ABCA8: variants seen among roughly 807,000 people sequenced by gnomAD.
The protein encoded by ABCA8 is ATP binding cassette subfamily A member 8.
A neutral mutation model predicts 192.3 loss-of-function variants in ABCA8; 177 were observed. That is an observed-to-expected ratio of 0.92 (90% CI 0.81 to 1.04). The LOEUF is 1.04. Among genes scored for constraint, ABCA8 ranks in the 50% least tolerant of loss-of-function variants. ABCA8 has a pLI of 0.00. For synonymous variants in ABCA8, 642 were observed against 690.2 expected (o/e 0.93, Z 1.09); for missense variants, 1,915 against 1,904.8 (o/e 1.01, Z -0.10).
At chr17:68,931,243 C>T (rs975258757) in intron 7 of ABCA8, among the ~76,000 whole-genome samples, 1 of 152,240 alleles carries the variant, frequency 6.6e-6, no homozygotes, top group African/African-American at 2.4e-5. Flanking sequence ...AACCTAACCC[C>T]AATCTTCTTC....
rs991041421 is a variant in ABCA8, at chr17:68,911,853, C to T, written c.2139-3974G>A. 3.3e-5 allele frequency among the ~76,000 whole-genome samples: 5 copies of T among 152,108 alleles called. No homozygotes were observed. The highest frequency in any genetic ancestry group is 7.4e-5 in the Non-Finnish European group (5 of 68,024). ...ATTCTCCAAGAGCACCAAAGTGGTA[C>T]GTCGAAGAGTCTGCAAGAATCACCA... On this transcript the variant is annotated intron_variant, in intron 17 of 39. Transcript: ENST00000586539. This position sits in a 1 kb window ranked among gnomAD's most constrained non-coding sequence, Gnocchi z 5.7.
chr17:68,894,244 C>T lies in ABCA8; in HGVS notation c.2965G>A (p.Val989Ile), dbSNP rs1401628082. 1 of 1,613,004 alleles carries T rather than the reference C, an allele frequency of 6.2e-7. No individual in the cohort carries two copies. Among genetic ancestry groups the T allele is most frequent in the Non-Finnish European group, 8.5e-7 (1 of 1,179,644 alleles). ...LNCFPVLMDI[V>I]SNGLLGMVKP... ...ACCATTCCAAGTAGCCCATTACTAA[C>T]AATGTCCATAAGAACTGGGAAGCAA... The change falls in exon 23 of 40, where the codon GTT becomes ATT. Residue 989 changes from valine to isoleucine, a missense_variant. Coordinates refer to ENST00000586539, the MANE Select transcript of ABCA8 (RefSeq NM_001288985.2).
intron 5 of ABCA8, among the ~76,000 whole-genome samples, chr17:68,934,072 T>A (rs1368249684): frequency 2.6e-5 from 4 of 152,146 alleles, no homozygotes; most frequent in African/African-American, 9.6e-5. Flanking sequence ...TGCCACTACA[T>A]ATCTCTAAAC....
At position 68,922,483 on chromosome 17, in the gene ABCA8, T is replaced by C. The variant is rs111938089; in HGVS notation, c.1443-183A>G. On this transcript the variant is annotated intron_variant, in intron 11 of 39. Transcript: ENST00000586539. Reference sequence around the variant, plus strand: ...ACCGCTTGCCAACCCTGTCTGCACATTGGCGTCATGTGAGGAGTTACATGT... The same window carrying C: ...ACCGCTTGCCAACCCTGTCTGCACACTGGCGTCATGTGAGGAGTTACATGT... Among the ~76,000 whole-genome samples the C allele has an allele frequency of 1.4e-3, 213 of 152,130 alleles. 4 individuals carry two copies. Among genetic ancestry groups the C allele is most frequent in the African/African-American group, 5.1e-3 (210 of 41,532 alleles).
intron 14 of ABCA8, among the ~76,000 whole-genome samples, chr17:68,919,058 G>A (rs1426376400): frequency 1.3e-5 from 2 of 152,030 alleles, no homozygotes; most frequent in African/African-American, 4.8e-5. Context: ...ATAAAATAGG[G>A]ATAATAATAG....
chr17:68,919,274 C>A, intron 14 of ABCA8, 27 bp downstream of exon 14: 2 of 1,566,570 alleles, frequency 1.3e-6, no homozygotes, highest in South Asian at 1.2e-5. Flanking sequence ...TTTTGACCAA[C>A]ACATTAACTT....
Position 68,887,356 on chromosome 17 carries a change from T to C in ABCA8, c.3295A>G (p.Thr1099Ala), listed in dbSNP as rs146019279. 3 of 1,607,844 alleles carry C rather than the reference T, an allele frequency of 1.9e-6. No homozygotes were observed. The highest frequency in any genetic ancestry group is 2.7e-5 in the African/African-American group (2 of 74,708). The change falls in exon 25 of 40, where the codon ACA becomes GCA. Residue 1099 changes from threonine (T) to alanine (A), a missense_variant. By Grantham distance (58) the Thr-to-Ala change is moderately conservative. Coordinates refer to ENST00000586539, the MANE Select transcript of ABCA8 (RefSeq NM_001288985.2). Reference protein sequence around the residue: ...YISNFEDMLLTIIHIIQIPCA... With the variant: ...YISNFEDMLLAIIHIIQIPCA... ...CTTACTTGAATAATATGAATTATTG[T>C]AAGTAGCATGTCTTCGAAGTTTGAA...
In ABCA8 at chr17:68,875,718, G is replaced by C. The variant is rs2066186063; in HGVS notation, c.4386C>G (p.Ala1462=). 6.2e-7 allele frequency: 1 copy of C among 1,613,642 alleles called. No individual in the cohort carries two copies. The highest frequency in any genetic ancestry group is 8.5e-7 in the Non-Finnish European group (1 of 1,179,828). Residue 1462 remains alanine, a synonymous_variant, in exon 36 of 40, where the codon GCC becomes GCG. Transcript: ENST00000586539. ...GQQQMWQAIR[A]TFRNTERGAL... ...CACCCCTTTCCGTGTTTCTAAAGGT[G>C]GCCCGGATGGCCTGCCTATAATGTC... is the stretch of plus-strand genomic sequence containing the variant.
intron 33 of ABCA8, 34 bp downstream of exon 33, chr17:68,877,485 T>A: frequency 6.4e-7 from 1 of 1,569,550 alleles, no homozygotes; most frequent in Non-Finnish European, 8.7e-7. Flanking sequence ...CACCCCTCCC[T>A]TGGGTATAGA....
At chr17:68,937,212 A>T in intron 4 of ABCA8, 97 bp from the exon 5 acceptor site, 1 of 1,039,150 alleles carries the variant, frequency 9.6e-7, no homozygotes, top group Non-Finnish European at 1.4e-6. Flanking sequence ...TTTTCTATGG[A>T]AATAAAACAT....
At chr17:68,953,852 TCTC>T (rs778726007) in intron 1 of ABCA8, among the ~76,000 whole-genome samples, 2 of 152,040 alleles carry the variant, frequency 1.3e-5, no homozygotes, top group Non-Finnish European at 2.9e-5. Context: ...CTGCTGTACT[TCTC>T]CTCTCTGGTT....
At chr17:68,903,901 A>G (rs1030375049) in intron 19 of ABCA8, among the ~76,000 whole-genome samples, 1 of 152,154 alleles carries the variant, frequency 6.6e-6, no homozygotes, top group Non-Finnish European at 1.5e-5. Flanking sequence ...TACTGCAGAG[A>G]TTTCAAAACT....
At chr17:68,932,906 T>G (rs553344730) in intron 6 of ABCA8, among the ~76,000 whole-genome samples, 9 of 152,322 alleles carry the variant, frequency 5.9e-5, no homozygotes, top group African/African-American at 1.9e-4. Flanking sequence ...AGGACCTGAT[T>G]TATAGTTCTG....
chr17:68,894,863 A>T lies in ABCA8; in HGVS notation c.2898+17T>A. 1 of 1,603,864 alleles carries T rather than the reference A, an allele frequency of 6.2e-7. No homozygotes were observed. On this transcript the variant is annotated intron_variant, in intron 22 of 39. Coordinates refer to ENST00000586539, the MANE Select transcript of ABCA8 (RefSeq NM_001288985.2). ...GCTTTTCACATTTTTCAGAAAGATT[A>T]TTAGAGACCTGCATACCTTTTCATT...
rs1356077750 is a variant in ABCA8 at position 68,883,790 on chromosome 17, C to A, written c.3707+1G>T. On this transcript the variant is annotated splice_donor_variant, in intron 29 of 39. Coordinates refer to ENST00000586539, the MANE Select transcript of ABCA8 (RefSeq NM_001288985.2). LOFTEE classifies it high-confidence loss of function. ...TAAAAATCTGATGTGTTTTTTCCAA[C>A]CTAAAGAAAGGATCCTTTCTCATTG... 6.4e-7 allele frequency: 1 copy of A among 1,559,786 alleles called. No homozygotes were observed. The highest frequency in any genetic ancestry group is 8.7e-7 in the Non-Finnish European group (1 of 1,152,310).
rs1398622344 is a variant in ABCA8 at position 68,919,490 on chromosome 17, A to G, written c.1613-14T>C. Reference sequence around the variant, plus strand: ...TGGTGACTGAACCTGTAACAAAGGAAAAGTTAATATCAAGATAAGGCTTAA... The same window carrying G: ...TGGTGACTGAACCTGTAACAAAGGAGAAGTTAATATCAAGATAAGGCTTAA... On this transcript the variant is annotated splice_polypyrimidine_tract_variant and intron_variant, in intron 13 of 39. Coordinates refer to ENST00000586539, the MANE Select transcript of ABCA8 (RefSeq NM_001288985.2). 4 of 1,603,238 alleles carry G rather than the reference A, an allele frequency of 2.5e-6. No homozygotes were observed. Among genetic ancestry groups the G allele is most frequent in the Non-Finnish European group, 3.4e-6 (4 of 1,172,550 alleles).
chr17:68,909,017 T>C (rs568969719), intron 17 of ABCA8, among the ~76,000 whole-genome samples: 12 of 152,304 alleles, frequency 7.9e-5, no homozygotes, highest in African/African-American at 2.9e-4. Flanking sequence ...TATATGCTAT[T>C]TTTTTAGAAG....
At chr17:68,894,697 T>C in intron 22 of ABCA8, 183 bp downstream of exon 22, 1 of 632,786 alleles carries the variant, frequency 1.6e-6, no homozygotes, top group Non-Finnish European at 2.6e-6. Context: ...ATTTTGCTAA[T>C]AGTTTGTGCC....
At chr17:68,889,350 G>A (rs1348535525) in intron 24 of ABCA8, among the ~76,000 whole-genome samples, 1 of 152,134 alleles carries the variant, frequency 6.6e-6, no homozygotes, top group East Asian at 1.9e-4. Context: ...CAGAACTGCT[G>A]AATCGGAATC....
Sources: gnomAD v4.1 joint callset for allele counts (sites outside exome capture counted in the v4.1 genomes callset) on GRCh38, gnomAD v4.1.1 for gene constraint, Gnocchi (gnomAD v3.1) non-coding constraint, MANE v1.5 for transcripts, NCBI Gene and HGNC (gene_info 2026-07-23, HGNC 2026-07-21) for gene names.